The following TRPM3 variants were observed in gnomAD, a reference collection of about 807,000 sequenced individuals.
TRPM3 encodes long transient receptor potential channel 3.
TRPM3 carries 77 observed loss-of-function variants against 181.2 expected under a neutral mutation model. The observed-to-expected ratio is 0.42, with a 90% CI of 0.35 to 0.51. The LOEUF (loss-of-function observed/expected upper bound fraction) is 0.51. Among genes scored for constraint, TRPM3 ranks in the 20% least tolerant of loss-of-function variants. The pLI is 0.01. For missense variants in TRPM3, 1,759 were observed against 2,196.7 expected (o/e 0.80, Z 3.98); for synonymous variants, 745 against 796.4 (o/e 0.94, Z 1.09).
At chr9:71,093,308 T>C (rs777278110) in intron 1 of TRPM3, among the ~76,000 whole-genome samples, 1 of 151,832 alleles carries the variant, frequency 6.6e-6, no homozygotes, top group African/African-American at 2.4e-5. Context: ...ACCTACAGAA[T>C]GGGAGAAAAT....
chr9:71,051,983 T>G (rs760163507), intron 1 of TRPM3, among the ~76,000 whole-genome samples: 9 of 152,118 alleles, frequency 5.9e-5, no homozygotes, highest in African/African-American at 2.2e-4. Flanking sequence ...GCACAGAATT[T>G]GGCTTCATGT....
In TRPM3 at chr9:71,226,680, A is replaced by C. The variant is rs1162345710; in HGVS notation, c.183+219973T>G. ...TATATACAGATATATATATACACAC[A>C]CATGTATATACACATTATATATATG... On this transcript the variant is annotated intron_variant, in intron 1 of 24. Transcript: ENST00000357533. 2.6e-5 allele frequency among the ~76,000 whole-genome samples: 4 copies of C among 152,168 alleles called. No individual in the cohort carries two copies. In the East Asian group the frequency reaches 5.8e-4, roughly 22 times the overall value.
At chr9:70,578,281 C>T (rs2054590938) in intron 22 of TRPM3, among the ~76,000 whole-genome samples, 1 of 129,344 alleles carries the variant, frequency 7.7e-6, no homozygotes, top group South Asian at 2.7e-4. Context: ...GTGAGTGCGT[C>T]ATGGTGCTTT....
chr9:70,901,245 C>G (rs1156765338), intron 1 of TRPM3, among the ~76,000 whole-genome samples: 1 of 152,158 alleles, frequency 6.6e-6, no homozygotes, highest in African/African-American at 2.4e-5. Context: ...AAGGAAACAC[C>G]TTTGATCATT....
chr9:70,950,102 T>C (rs140433944), intron 1 of TRPM3, among the ~76,000 whole-genome samples: 2 of 152,340 alleles, frequency 1.3e-5, no homozygotes, highest in East Asian at 3.9e-4. Context: ...AGTCATGATA[T>C]TTCTTTCAAA....
chr9:71,150,154 T>TA (rs1274141770), intron 1 of TRPM3, among the ~76,000 whole-genome samples: 4 of 152,022 alleles, frequency 2.6e-5, no homozygotes, highest in African/African-American at 9.7e-5. Flanking sequence ...TTGTTATTTT[T>TA]AAAAATAGGA....
intron 8 of TRPM3, among the ~76,000 whole-genome samples, chr9:70,701,167 C>G (rs1471121779): frequency 6.6e-6 from 1 of 152,106 alleles, no homozygotes; most frequent in African/African-American, 2.4e-5. Flanking sequence ...TGGATGAAAA[C>G]GTTTCTAAAA....
In TRPM3 at chr9:70,894,233, G is replaced by A. The variant is rs186021600; in HGVS notation, c.178-29722C>T. 7.3e-3 allele frequency among the ~76,000 whole-genome samples: 1,117 copies of A among 152,268 alleles called. 4 individuals are homozygous for A. Among genetic ancestry groups the A allele is most frequent in the Non-Finnish European group, 0.01 (696 of 68,012 alleles). ...TATGTGTCTATGAAATGAACATATA[G>A]AATAACATTATATGAACAAACAAAA... On this transcript the variant is annotated intron_variant, in intron 1 of 25. Coordinates refer to ENST00000677713, the MANE Select transcript of TRPM3 (RefSeq NM_001366145.2).
chr9:70,950,989 T>G (rs1189393409), intron 1 of TRPM3, among the ~76,000 whole-genome samples: 3 of 151,992 alleles, frequency 2.0e-5, no homozygotes, highest in Non-Finnish European at 4.4e-5. Context: ...TGTCAAGAAA[T>G]AATAAAGATA....
intron 6 of TRPM3, among the ~76,000 whole-genome samples, chr9:70,801,724 G>C (rs1051942182): frequency 6.6e-6 from 1 of 151,774 alleles, no homozygotes; most frequent in Non-Finnish European, 1.5e-5. Context: ...ACAGCTACTT[G>C]CTTCTTTCTA....
intron 1 of TRPM3, among the ~76,000 whole-genome samples, chr9:70,947,506 A>G (rs1399054139): frequency 2.6e-5 from 4 of 152,198 alleles, no homozygotes; most frequent in Non-Finnish European, 5.9e-5. Flanking sequence ...AATTTAGAGA[A>G]TTATCCTCTA....
At chr9:71,341,136 A>G (rs11787573) in intron 1 of TRPM3, among the ~76,000 whole-genome samples, 2,003 of 152,276 alleles carry the variant, frequency 0.013, 42 homozygotes, top group African/African-American at 0.044. Flanking sequence ...AAAAATTTCA[A>G]TTGATATATA....
At chr9:70,793,630 C>T in intron 6 of TRPM3, 3 of 470,692 alleles carry the variant, frequency 6.4e-6, no homozygotes, top group Non-Finnish European at 1.3e-5. Flanking sequence ...ACTCTGCTTG[C>T]TCTAAGGCAG....
chr9:71,236,809 G>A (rs902152564), intron 1 of TRPM3, among the ~76,000 whole-genome samples: 3 of 152,172 alleles, frequency 2.0e-5, no homozygotes, highest in Non-Finnish European at 2.9e-5. Flanking sequence ...CACTTTGGGA[G>A]GCAGAAGTGG....
intron 18 of TRPM3, 142 bp from the exon 19 acceptor site, chr9:70,610,891 T>TAA: frequency 1.1e-6 from 1 of 910,992 alleles, no homozygotes; most frequent in Non-Finnish European, 1.6e-6. Context: ...GTACCTTCCC[T>TAA]AAGAGTGCAT....
chr9:71,115,329 A>G (rs1357428508), intron 1 of TRPM3, among the ~76,000 whole-genome samples: 2 of 152,084 alleles, frequency 1.3e-5, no homozygotes, highest in Non-Finnish European at 2.9e-5. Flanking sequence ...CACCTCCGAG[A>G]GTGGGCCCTG....
intron 1 of TRPM3, among the ~76,000 whole-genome samples, chr9:71,013,845 T>A (rs1192691583): frequency 6.6e-6 from 1 of 152,104 alleles, no homozygotes; most frequent in South Asian, 2.1e-4. Context: ...GATAATCATT[T>A]GTCTAATTGA....
At position 70,959,263 on chromosome 9, in the gene TRPM3, T is replaced by C. The variant is rs2097112291; in HGVS notation, c.178-94752A>G. On this transcript the variant is annotated intron_variant, in intron 1 of 25. Transcript: ENST00000677713. ...TTTTGCACATCCCTAATGCCTACTA[T>C]CCTGAGTCTTAATGGATGCTTATTA... Among the ~76,000 whole-genome samples, 4 of 152,034 alleles carry C rather than the reference T, an allele frequency of 2.6e-5. 1 individual carries two copies. In the South Asian group the frequency reaches 8.3e-4, roughly 31 times the overall value.
At chr9:70,851,648 A>T (rs1054565925) in intron 3 of TRPM3, among the ~76,000 whole-genome samples, 1 of 152,196 alleles carries the variant, frequency 6.6e-6, no homozygotes, top group Non-Finnish European at 1.5e-5. Context: ...TTATCACAGA[A>T]TGTTTGTTAC....
Sources: gnomAD v4.1 joint callset for allele counts (sites outside exome capture counted in the v4.1 genomes callset) on GRCh38, gnomAD v4.1.1 for gene constraint, MANE v1.5 for transcripts, NCBI Gene and HGNC (gene_info 2026-07-23, HGNC 2026-07-21) for gene names.